The following SPG7 variants were observed in gnomAD, a reference collection of about 807,000 sequenced individuals.
The protein encoded by SPG7 is mitochondrial inner membrane m-AAA protease component paraplegin.
SPG7 carries 103 observed loss-of-function variants against 81.9 expected under a neutral mutation model. The observed-to-expected ratio is 1.26, with a 90% CI of 1.07 to 1.48. The LOEUF is 1.48. Among genes scored for constraint, SPG7 ranks in the 40% most tolerant of loss-of-function variants. The pLI, the probability that SPG7 is intolerant of heterozygous loss-of-function variation, is 0.00. For synonymous variants in SPG7, 534 were observed against 444.2 expected, an observed-to-expected ratio of 1.20 and a Z score of -2.54; for missense variants, 1,241 against 1,087.3, an observed-to-expected ratio of 1.14 and a Z score of -1.99.
chr16:89,517,764 T>G (rs1249342011), intron 3 of SPG7: 1 of 151,928 alleles, frequency 6.6e-6, no homozygotes, highest in Non-Finnish European at 1.5e-5. Context: ...GGACTAAAGG[T>G]GCCCGCAACC....
intron 6 of SPG7, 176 bp from the exon 7 acceptor site, chr16:89,530,507 C>A: frequency 4.1e-6 from 3 of 738,616 alleles, no homozygotes; most frequent in Non-Finnish European, 4.8e-6. Context: ...GAAACATTTC[C>A]CTTCTGTGCT....
chr16:89,546,993 G>GTTGT (rs2058573128), intron 11 of SPG7: 8 of 521,152 alleles, frequency 1.5e-5, no homozygotes, highest in Non-Finnish European at 2.1e-5. Flanking sequence ...GTGGTTCCCG[G>GTTGT]TCTGTGTTGT....
chr16:89,552,888 T>C, intron 13 of SPG7, 91 bp from the exon 14 acceptor site: 2 of 1,291,514 alleles, frequency 1.5e-6, no homozygotes, highest in Non-Finnish European at 2.2e-6. Context: ...TTTGAGACGC[T>C]TTAATGACGG....
chr16:89,553,218 G>A (rs570838213), intron 14 of SPG7, 83 bp downstream of exon 14: 10 of 1,305,278 alleles, frequency 7.7e-6, no homozygotes, highest in Middle Eastern at 1.8e-4. Flanking sequence ...ATGCCATGGG[G>A]TGAATCTGGT....
In SPG7 at chr16:89,546,886, G is replaced by T. The variant is rs1056690175; in HGVS notation, c.1552+126G>T. On this transcript the variant is annotated intron_variant, in intron 11 of 16. Coordinates refer to ENST00000645818, the MANE Select transcript of SPG7 (RefSeq NM_003119.4). Reference sequence around the variant, plus strand: ...CTCCTTCTCTGGGGGCCTCTGCTCAGTACAAGCCTGGGAGGGAGCTGATGT... The same window carrying T: ...CTCCTTCTCTGGGGGCCTCTGCTCATTACAAGCCTGGGAGGGAGCTGATGT... 22 of 723,942 alleles carry T rather than the reference G, an allele frequency of 3.0e-5. No individual in the cohort carries two copies. The African/African-American group carries it at 3.3e-4, about 11-fold the overall frequency. 44.8% of individuals were successfully genotyped at this position (723,942 alleles called of 1,614,324 possible).
intron 3 of SPG7, chr16:89,523,151 A>G: frequency 1.2e-5 from 2 of 160,542 alleles, no homozygotes; most frequent in Admixed American, 5.9e-5. Flanking sequence ...GAGGAAGGTA[A>G]TTTAGAAGAA....
chr16:89,508,404 G>C lies in SPG7; in HGVS notation c.-14G>C. 1 of 1,475,240 alleles carries C rather than the reference G, an allele frequency of 6.8e-7. No individual in the cohort carries two copies. Among genetic ancestry groups the C allele is most frequent in the Non-Finnish European group, 8.9e-7 (1 of 1,119,320 alleles). 91.4% of individuals were successfully genotyped at this position (1,475,240 alleles called of 1,614,324 possible). On this transcript the variant is annotated 5_prime_UTR_variant, in exon 1 of 17. Transcript: ENST00000645818. ...GCGCCCCGCGGATCACGCAGGCGCG[G>C]CTTTCAGGCCAACATGGCCGTGCTG...
chr16:89,514,494 GT>G (rs2152395406), intron 3 of SPG7: 1 of 150,386 alleles, frequency 6.6e-6, no homozygotes, highest in Non-Finnish European at 1.5e-5. Flanking sequence ...CTAATTTTTT[GT>G]TTTTTGTTCG....
chr16:89,548,140 G>T (rs761472760), intron 12 of SPG7, 27 bp downstream of exon 12: 9 of 1,503,312 alleles, frequency 6.0e-6, no homozygotes, highest in Non-Finnish European at 8.2e-6. Context: ...CTGGGTGAAG[G>T]CCCTCCTTAG....
At chr16:89,540,521 G>C (rs1290906556) in intron 9 of SPG7, 2 of 152,162 alleles carry the variant, frequency 1.3e-5, no homozygotes, top group Non-Finnish European at 2.9e-5. Flanking sequence ...GGCAGTTCGA[G>C]GCTACAGGGA....
At chr16:89,511,048 G>A (rs931806349) in intron 2 of SPG7, among the ~76,000 whole-genome samples, 17 of 152,142 alleles carry the variant, frequency 1.1e-4, no homozygotes, top group Admixed American at 2.0e-4. Context: ...ACGTTTCCCA[G>A]GCTGGTCTTA....
intron 9 of SPG7, among the ~76,000 whole-genome samples, chr16:89,536,596 A>G (rs149585444): frequency 0.022 from 803 of 37,064 alleles, 29 homozygotes; most frequent in Middle Eastern, 0.12. Flanking sequence ...GAGGTGAGGC[A>G]GGTGAGGTGA....
rs113515220 is a variant in SPG7 at position 89,557,215 on chromosome 16, T to C, written c.*122T>C. On this transcript the variant is annotated 3_prime_UTR_variant, in exon 17 of 17. Coordinates refer to ENST00000645818, the MANE Select transcript of SPG7 (RefSeq NM_003119.4). ...GCGGCCCTCAGTAGTCCCTGCACAG[T>C]GACTTCTGAGATCTGTTGATTGATG... 3.2e-3 allele frequency: 2,185 copies of C among 675,858 alleles called. 37 individuals are homozygous for C. The African/African-American group carries it at 0.036, about 11-fold the overall frequency. 41.9% of individuals were successfully genotyped at this position (675,858 alleles called of 1,614,324 possible).
chr16:89,517,600 G>C (rs186795772), intron 3 of SPG7: 10 of 151,704 alleles, frequency 6.6e-5, no homozygotes, highest in African/African-American at 2.2e-4. Flanking sequence ...TCCTGCATCT[G>C]AGTAATTGTC....
chr16:89,552,832 A>C, intron 13 of SPG7, 147 bp from the exon 14 acceptor site: 1 of 749,050 alleles, frequency 1.3e-6, no homozygotes, highest in South Asian at 1.5e-5. Flanking sequence ...CTAGAGTGTT[A>C]GGATCCCCTG....
At chr16:89,554,938 CA>C (rs1456603047) in intron 16 of SPG7, 1 of 275,740 alleles carries the variant, frequency 3.6e-6, no homozygotes, top group Non-Finnish European at 7.1e-6. Flanking sequence ...TTTTTTGAGA[CA>C]AAGTCTTGCT....
rs2058231844 is a variant in SPG7, at chr16:89,524,226, A to C, written c.597A>C (p.Gly199=). ...TGGTGGAAGTCTACCTGCACCCTGG[A>C]GCCGTGGTGTTTGGGCGGCCTGTGA... ...SDVVEVYLHP[G]AVVFGRPRLA... Residue 199 remains glycine (G), a synonymous_variant, in exon 4 of 17, where the codon GGA becomes GGC. Coordinates refer to ENST00000645818, the MANE Select transcript of SPG7 (RefSeq NM_003119.4). 1 of 1,611,358 alleles carries C rather than the reference A, an allele frequency of 6.2e-7. No individual in the cohort carries two copies. Among genetic ancestry groups the C allele is most frequent in the Non-Finnish European group, 8.5e-7 (1 of 1,178,944 alleles).
chr16:89,510,595 A>T lies in SPG7; in HGVS notation c.286+3A>T, dbSNP rs201056405. 1 of 1,580,604 alleles carries T rather than the reference A, an allele frequency of 6.3e-7. No homozygotes were observed. Among genetic ancestry groups the T allele is most frequent in the East Asian group, 2.2e-5 (1 of 44,710 alleles). ...AGTCAGACTCTGGCAACTTTTAGGT[A>T]TGTATCTGTTTAAAGAAGCAGCTGA... On this transcript the variant is annotated splice_donor_region_variant and intron_variant, in intron 2 of 16. Coordinates refer to ENST00000645818, the MANE Select transcript of SPG7 (RefSeq NM_003119.4).
chr16:89,511,913 TTTA>T (rs2058028568), intron 2 of SPG7, among the ~76,000 whole-genome samples: 2 of 47,612 alleles, frequency 4.2e-5, no homozygotes, highest in African/African-American at 6.1e-5. Context: ...GTTGTTGTTG[TTTA>T]TTATTATTTT....
Sources: gnomAD v4.1 joint callset for allele counts (sites outside exome capture counted in the v4.1 genomes callset) on GRCh38, gnomAD v4.1.1 for gene constraint, MANE v1.5 for transcripts, NCBI Gene and HGNC (gene_info 2026-07-23, HGNC 2026-07-21) for gene names.